NR3C2: variants seen among roughly 807,000 people sequenced by gnomAD.
The protein encoded by NR3C2 is mineralocorticoid receptor.
A neutral mutation model predicts 86.4 loss-of-function variants in NR3C2; 15 were observed. The ratio of observed to expected loss-of-function variants is 0.17; its 90% CI spans 0.12 to 0.27. NR3C2 has a LOEUF of 0.27. Among genes scored for constraint, NR3C2 ranks in the 10% least tolerant of loss-of-function variants. The pLI, the probability that NR3C2 is intolerant of heterozygous loss-of-function variation, is 1.00. For missense variants in NR3C2, 960 were observed against 1,195.6 expected (o/e 0.80, Z 2.91); for synonymous variants, 458 against 450.5 (o/e 1.02, Z -0.21).
intron 2 of NR3C2, among the ~76,000 whole-genome samples, chr4:148,415,151 G>C (rs1332866174): frequency 6.6e-6 from 1 of 152,116 alleles, no homozygotes; most frequent in South Asian, 2.1e-4. Context: ...TGTAAGAACA[G>C]TGCAACTTAA....
At chr4:148,099,662 T>C (rs1360766130) in intron 8 of NR3C2, among the ~76,000 whole-genome samples, 4 of 152,216 alleles carry the variant, frequency 2.6e-5, no homozygotes, top group Non-Finnish European at 5.9e-5. Context: ...AAAGACACTA[T>C]GTAAATCCCA....
chr4:148,307,988 C>T (rs999756697), intron 2 of NR3C2, among the ~76,000 whole-genome samples: 5 of 152,066 alleles, frequency 3.3e-5, no homozygotes, highest in Admixed American at 6.5e-5. Flanking sequence ...CAGGACTGAG[C>T]AGAGATGGTG....
At chr4:148,255,396 A>C (rs1739783933) in intron 3 of NR3C2, among the ~76,000 whole-genome samples, 1 of 152,232 alleles carries the variant, frequency 6.6e-6, no homozygotes, top group Non-Finnish European at 1.5e-5. Flanking sequence ...GGCTGTCTGA[A>C]AATATTGCCT....
At chr4:148,445,018 G>A (rs62332389), upstream of NR3C2, 389,433 of 983,178 alleles carry the variant, frequency 0.4, 80,561 homozygotes, top group African/African-American at 0.67. Context: ...CCCGGGTCAC[G>A]CCCTCACGAG....
At chr4:148,312,747 T>C (rs575405053) in intron 2 of NR3C2, among the ~76,000 whole-genome samples, 1 of 152,320 alleles carries the variant, frequency 6.6e-6, no homozygotes, top group Admixed American at 6.5e-5. Flanking sequence ...CTTAGCTATA[T>C]TGGCATTTTT....
At chr4:148,305,948 C>A (rs926009866) in intron 2 of NR3C2, among the ~76,000 whole-genome samples, 1 of 152,168 alleles carries the variant, frequency 6.6e-6, no homozygotes, top group African/African-American at 2.4e-5. Flanking sequence ...CTCGCCAGAG[C>A]TAGAAGGCCA....
intron 2 of NR3C2, among the ~76,000 whole-genome samples, chr4:148,403,995 C>T (rs1249492109): frequency 1.3e-5 from 2 of 151,878 alleles, no homozygotes; most frequent in Non-Finnish European, 2.9e-5. Context: ...AGGTATTATC[C>T]CCATTTCTTG....
intron 2 of NR3C2, among the ~76,000 whole-genome samples, chr4:148,429,206 G>C (rs1024996541): frequency 6.6e-6 from 1 of 152,092 alleles, no homozygotes; most frequent in African/African-American, 2.4e-5. Flanking sequence ...CTCCCTGCCA[G>C]AATATCTAAA....
intron 2 of NR3C2, among the ~76,000 whole-genome samples, chr4:148,319,683 G>C (rs1228501189): frequency 6.6e-6 from 1 of 151,010 alleles, no homozygotes; most frequent in Non-Finnish European, 1.5e-5. Context: ...CTGTTTGTCT[G>C]TTGTTGGTGT....
intron 4 of NR3C2, among the ~76,000 whole-genome samples, chr4:148,168,034 G>T (rs1386876137): frequency 6.6e-6 from 1 of 152,216 alleles, no homozygotes; most frequent in African/African-American, 2.4e-5. Context: ...AACCTTGAGA[G>T]AGTCTGAAGA....
At chr4:148,347,222 A>C (rs1199052061) in intron 2 of NR3C2, among the ~76,000 whole-genome samples, 2 of 150,630 alleles carry the variant, frequency 1.3e-5, no homozygotes, top group African/African-American at 4.9e-5. Context: ...TTTTTGTATA[A>C]ATTTCCAACT....
At chr4:148,421,212 T>A (rs1370017485) in intron 2 of NR3C2, among the ~76,000 whole-genome samples, 2 of 152,218 alleles carry the variant, frequency 1.3e-5, no homozygotes, top group Non-Finnish European at 2.9e-5. Context: ...ATTTGCCATA[T>A]TCACCATTAA....
chr4:148,245,403 C>T (rs1393830831), intron 3 of NR3C2, among the ~76,000 whole-genome samples: 1 of 152,122 alleles, frequency 6.6e-6, no homozygotes, highest in East Asian at 1.9e-4. Flanking sequence ...GTCAGAAAAA[C>T]CTGCGTGCAA....
At chr4:148,091,734 C>G (rs1176005554) in intron 8 of NR3C2, among the ~76,000 whole-genome samples, 1 of 152,150 alleles carries the variant, frequency 6.6e-6, no homozygotes, top group African/African-American at 2.4e-5. Context: ...CCTAAAAAAG[C>G]CAGGAAATGA....
chr4:148,167,573 C>T lies in NR3C2; in HGVS notation c.2015-12672G>A, dbSNP rs139790903. The stretch of plus-strand genomic sequence containing the variant: ...AACATGATATACTCTATACTCAACT[C>T]GTTTGTTCAGTTTCTGAAGTATTAC... On this transcript the variant is annotated intron_variant, in intron 4 of 8. Transcript: ENST00000358102. Among the ~76,000 whole-genome samples, 143 of 152,248 alleles carry T rather than the reference C, an allele frequency of 9.4e-4. 1 individual carries two copies. Among genetic ancestry groups the T allele is most frequent in the African/African-American group, 2.7e-3 (112 of 41,550 alleles).
chr4:148,087,989 C>T (rs1330853591), intron 8 of NR3C2, among the ~76,000 whole-genome samples: 2 of 152,094 alleles, frequency 1.3e-5, no homozygotes, highest in Non-Finnish European at 2.9e-5. Context: ...GGCTAATATC[C>T]AGAATCTACA....
At chr4:148,342,537 T>C (rs1252946471) in intron 2 of NR3C2, among the ~76,000 whole-genome samples, 1 of 152,118 alleles carries the variant, frequency 6.6e-6, no homozygotes, top group East Asian at 1.9e-4. Flanking sequence ...CTGTATTTCA[T>C]ATCTGATGAA....
intron 6 of NR3C2, among the ~76,000 whole-genome samples, chr4:148,123,125 C>T (rs1430238319): frequency 3.3e-5 from 5 of 151,542 alleles, no homozygotes; most frequent in South Asian, 2.1e-4. Flanking sequence ...TATAAATGGC[C>T]GCTCTGGGAA....
intron 6 of NR3C2, among the ~76,000 whole-genome samples, chr4:148,145,947 G>C (rs1226921132): frequency 3.9e-5 from 6 of 152,126 alleles, no homozygotes; most frequent in East Asian, 3.9e-4. Context: ...AGGAGTAACA[G>C]AGAAGGGAAA....
Sources: allele counts gnomAD v4.1 joint callset (sites outside exome capture counted in the v4.1 genomes callset), GRCh38; gene constraint gnomAD v4.1.1; transcripts MANE v1.5; gene names NCBI Gene and HGNC (gene_info 2026-07-23, HGNC 2026-07-21).